Variants in CGGBP1 observed in about 807,000 individuals in gnomAD.
CGGBP1 encodes CGG triplet repeat-binding protein 1.
Under a neutral mutation model 11.4 loss-of-function variants are expected in CGGBP1, and 4 were observed. That is an observed-to-expected ratio of 0.35 (90% CI 0.17 to 0.80). The LOEUF (loss-of-function observed/expected upper bound fraction) is 0.80. CGGBP1 is among the 30% of genes least tolerant of loss of function. The pLI, the probability that CGGBP1 is intolerant of heterozygous loss-of-function variation, is 0.52. For missense variants in CGGBP1, 135 were observed against 202.1 expected, an observed-to-expected ratio of 0.67 and a Z score of 2.01; for synonymous variants, 76 against 74.1, an observed-to-expected ratio of 1.03 and a Z score of -0.13.
chr3:88,139,485 G>A (rs1706988286), intron 2 of CGGBP1: 1 of 1,613,618 alleles, frequency 6.2e-7, no homozygotes, highest in African/African-American at 1.3e-5. Context: ...AATTGCTGCA[G>A]CTCAACAGGA....
At chr3:88,063,331 G>A (rs1457541836), upstream of CGGBP1, among the ~76,000 whole-genome samples, 2 of 151,996 alleles carry the variant, frequency 1.3e-5, no homozygotes, top group African/African-American at 4.8e-5. Context: ...TGGCAGTAAA[G>A]TTTTTAATGA....
Position 88,058,212 on chromosome 3 carries a change from G to A in CGGBP1, c.-319C>T, listed in dbSNP as rs1706617124. On this transcript the variant is annotated 5_prime_UTR_variant, in exon 2 of 4. Coordinates refer to ENST00000482016, the MANE Select transcript of CGGBP1 (RefSeq NM_001008390.2). Reference sequence around the variant, plus strand: ...CCGATTTTCCCTGTGGTGCCAGGAAGTCATGCCTTTACTGTAAAACACGAA... The same window carrying A: ...CCGATTTTCCCTGTGGTGCCAGGAAATCATGCCTTTACTGTAAAACACGAA... 6.6e-6 allele frequency: 1 copy of A among 152,262 alleles called. No homozygotes were observed. The highest frequency in any genetic ancestry group is 2.4e-5 in the African/African-American group (1 of 41,450). 9.4% of individuals were successfully genotyped at this position (152,262 alleles called of 1,614,324 possible).
chr3:88,082,271 C>T (rs770177524), intron 2 of CGGBP1, among the ~76,000 whole-genome samples: 17 of 152,052 alleles, frequency 1.1e-4, no homozygotes, highest in African/African-American at 1.9e-4. Context: ...GGACTACAGG[C>T]GCGTGCCACC....
intron 2 of CGGBP1, among the ~76,000 whole-genome samples, chr3:88,132,421 C>T (rs1313813470): frequency 6.6e-6 from 1 of 152,072 alleles, no homozygotes; most frequent in Non-Finnish European, 1.5e-5. Flanking sequence ...TAAAGGAAAA[C>T]GTGTATAAGC....
At position 88,054,900 on chromosome 3, in the gene CGGBP1, T is replaced by C. The variant is rs1222960225; in HGVS notation, c.*573A>G. The C allele has an allele frequency of 1.3e-5, 2 of 150,018 alleles. No individual in the cohort carries two copies. The highest frequency in any genetic ancestry group is 3.0e-5 in the Non-Finnish European group (2 of 67,148). The allele number at this position is 150,018 out of a possible 1,614,324, so 9.3% of individuals were successfully genotyped here. A position where few individuals can be genotyped will look rare whatever the true frequency, so the allele number is the denominator to read the frequency against. On this transcript the variant is annotated 3_prime_UTR_variant, in exon 4 of 4. Transcript: ENST00000482016. ...CTTTAAAATGGGGGCGGGGGAAGTA[T>C]GGAATTGAAAGATAGTTAAGGTGAC...
At chr3:88,102,887 G>C (rs1214389195) in intron 2 of CGGBP1, among the ~76,000 whole-genome samples, 2 of 119,350 alleles carry the variant, frequency 1.7e-5, no homozygotes, top group Non-Finnish European at 3.3e-5. Flanking sequence ...ATGCCAGTTT[G>C]TTGCATGGAT....
chr3:88,088,974 T>C (rs967018316), intron 2 of CGGBP1, among the ~76,000 whole-genome samples: 1 of 151,856 alleles, frequency 6.6e-6, no homozygotes, highest in African/African-American at 2.4e-5. Flanking sequence ...GATTTCACCA[T>C]GTTGGCCAGG....
intron 2 of CGGBP1, among the ~76,000 whole-genome samples, chr3:88,070,046 A>G (rs1321136253): frequency 2.6e-5 from 4 of 152,212 alleles, no homozygotes; most frequent in Middle Eastern, 3.2e-3. Flanking sequence ...TAAAATTTAC[A>G]TATATTCCAT....
At chr3:88,086,338 A>G in intron 2 of CGGBP1, 2 of 1,535,372 alleles carry the variant, frequency 1.3e-6, no homozygotes, top group Non-Finnish European at 1.7e-6. Context: ...TTGTTTTACA[A>G]CAGCCAGTGC....
chr3:88,064,205 C>A (rs1707065259), intron 2 of CGGBP1, among the ~76,000 whole-genome samples: 1 of 151,668 alleles, frequency 6.6e-6, no homozygotes, highest in East Asian at 1.9e-4. Flanking sequence ...CTATCACTGG[C>A]AACTCTTTCA....
intron 2 of CGGBP1, among the ~76,000 whole-genome samples, chr3:88,123,797 C>T (rs1466351604): frequency 2.0e-5 from 3 of 152,100 alleles, no homozygotes; most frequent in Admixed American, 1.3e-4. Flanking sequence ...GGACTAGTGT[C>T]CAACTTACCT....
chr3:88,145,839 A>G (rs1342977239), intron 1 of CGGBP1, among the ~76,000 whole-genome samples: 1 of 152,190 alleles, frequency 6.6e-6, no homozygotes, highest in Non-Finnish European at 1.5e-5. Flanking sequence ...AAGGGTAAAT[A>G]TGAACACTGC....
At chr3:88,063,323 G>C (rs1248910476), upstream of CGGBP1, among the ~76,000 whole-genome samples, 1 of 152,180 alleles carries the variant, frequency 6.6e-6, no homozygotes, top group Non-Finnish European at 1.5e-5. Flanking sequence ...GATATAAATG[G>C]CAGTAAAGTT....
intron 2 of CGGBP1, among the ~76,000 whole-genome samples, chr3:88,125,690 C>G (rs1254464746): frequency 6.6e-6 from 1 of 152,160 alleles, no homozygotes; most frequent in Non-Finnish European, 1.5e-5. Flanking sequence ...TTTTGTCTAC[C>G]TGCCAGCCAG....
At chr3:88,078,309 T>G (rs1707918855) in intron 2 of CGGBP1, among the ~76,000 whole-genome samples, 1 of 152,210 alleles carries the variant, frequency 6.6e-6, no homozygotes, top group Admixed American at 6.5e-5. Context: ...TTCATTTTAT[T>G]TTTGGAACTT....
intron 2 of CGGBP1, among the ~76,000 whole-genome samples, chr3:88,102,407 T>TA (rs1305691921): frequency 6.6e-6 from 1 of 152,192 alleles, no homozygotes; most frequent in Non-Finnish European, 1.5e-5. Context: ...ATTTTCCCAT[T>TA]ATACTGTTAT....
In CGGBP1 at chr3:88,101,780, C is replaced by T. The variant is rs545700967; in HGVS notation, c.-229+39190G>A. ...GTGACTGTACGATTAAAATTCTAAC[C>T]AATTTCTTATGGGGGTAGCAGTTTC... On this transcript the variant is annotated intron_variant, in intron 2 of 3. Coordinates refer to the CGGBP1 transcript ENST00000462901. Among the ~76,000 whole-genome samples the T allele has an allele frequency of 1.1e-4, 16 of 152,156 alleles. No individual in the cohort carries two copies. In the South Asian group the frequency reaches 2.7e-3, roughly 26 times the overall value.
At chr3:88,149,796 C>T in exon 1 of CGGBP1, 1 of 460,494 alleles carries the variant, frequency 2.2e-6, no homozygotes, top group Non-Finnish European at 4.0e-6. Flanking sequence ...AGTCTATGTT[C>T]TCCATATAAA....
intron 2 of CGGBP1, chr3:88,138,813 C>T (rs1706957415): frequency 1.1e-5 from 14 of 1,232,032 alleles, no homozygotes; most frequent in Non-Finnish European, 1.4e-5. Context: ...AACAATTGCA[C>T]ATTTTTTGCC....
Sources: gnomAD v4.1 joint callset for allele counts (sites outside exome capture counted in the v4.1 genomes callset) on GRCh38, gnomAD v4.1.1 for gene constraint, MANE v1.5 for transcripts, NCBI Gene and HGNC (gene_info 2026-07-23, HGNC 2026-07-21) for gene names.